Variants in DHX8 observed in about 807,000 individuals in gnomAD.
DHX8 encodes DEAH-box helicase 8.
A neutral mutation model predicts 140.7 loss-of-function variants in DHX8; 67 were observed. The ratio of observed to expected loss-of-function variants is 0.48; its 90% CI spans 0.39 to 0.58. DHX8 has a LOEUF of 0.58. Among genes scored for constraint, DHX8 ranks in the 20% least tolerant of loss-of-function variants. The probability of loss-of-function intolerance (pLI) is 0.00; values close to 1 mark genes in which losing one functional copy is unlikely to be tolerated. For missense variants in DHX8, 887 were observed against 1,550.7 expected (o/e 0.57, Z 7.19); for synonymous variants, 533 against 553.2 (o/e 0.96, Z 0.51).
At chr17:43,528,524 A>G (rs992289835), downstream of DHX8, 2 of 1,603,778 alleles carry the variant, frequency 1.2e-6, no homozygotes, top group East Asian at 4.5e-5. Flanking sequence ...GGGGGCTAGT[A>G]AGAGTAGCCA....
At chr17:43,497,245 T>C (rs1156358169) in intron 9 of DHX8, among the ~76,000 whole-genome samples, 1 of 151,470 alleles carries the variant, frequency 6.6e-6, no homozygotes, top group Non-Finnish European at 1.5e-5. Context: ...ATTTTTGATA[T>C]TTATGTTGAT....
Position 43,524,355 on chromosome 17 carries a change from G to A in DHX8, c.*508G>A. The A allele has an allele frequency of 1.0e-6, 1 of 1,004,126 alleles. No individual in the cohort carries two copies. Among genetic ancestry groups the A allele is most frequent in the Non-Finnish European group, 1.2e-6 (1 of 841,272 alleles). 62.2% of individuals were successfully genotyped at this position (1,004,126 alleles called of 1,614,324 possible). ...TGTGACTGTTTTCTTTTAGCCGAAA[G>A]GTTAGGATATTGGCCTGGGCTCAGG... On this transcript the variant is annotated 3_prime_UTR_variant, in exon 23 of 23. Coordinates refer to ENST00000262415, the MANE Select transcript of DHX8 (RefSeq NM_004941.3).
At position 43,493,837 on chromosome 17, in the gene DHX8, G is replaced by A. The variant is rs763476779; in HGVS notation, c.1163G>A (p.Arg388His). Reference sequence around the variant, plus strand: ...GAAGTAGAGGACGACTCACTGGAACGCAAGCGCCTCACCCGAATCTCTGAC... The same window carrying A: ...GAAGTAGAGGACGACTCACTGGAACACAAGCGCCTCACCCGAATCTCTGAC... ...APEVEDDSLERKRLTRISDPE... is the reference protein window; with the variant it reads ...APEVEDDSLEHKRLTRISDPE... Residue 388 changes from arginine to histidine, a missense_variant, in exon 8 of 23, where the codon CGC (arginine) becomes CAC (histidine). This residue lies in a region of DHX8 where 98 missense variants were observed against 152.7 expected (regional missense o/e 0.64). Transcript: ENST00000262415. 3.1e-6 allele frequency: 5 copies of A among 1,614,092 alleles called. No homozygotes were observed. Among genetic ancestry groups the A allele is most frequent in the Non-Finnish European group, 3.4e-6 (4 of 1,180,054 alleles).
intron 2 of DHX8, among the ~76,000 whole-genome samples, chr17:43,532,325 C>T (rs1970984584): frequency 6.6e-6 from 1 of 151,996 alleles, no homozygotes; most frequent in African/African-American, 2.4e-5. Context: ...ATGGCGAAAC[C>T]CCATCTCTAC....
At chr17:43,541,913 C>T (rs1181126680) in intron 3 of DHX8, among the ~76,000 whole-genome samples, 1 of 152,178 alleles carries the variant, frequency 6.6e-6, no homozygotes, top group Non-Finnish European at 1.5e-5. Flanking sequence ...CCTCATCCCT[C>T]CCCACAGACA....
chr17:43,519,809 C>T (rs545969784), intron 18 of DHX8: 298 of 208,478 alleles, frequency 1.4e-3, no homozygotes, highest in Non-Finnish European at 2.5e-3. Context: ...GGCATGATGG[C>T]GGGTGCCTAT....
chr17:43,508,028 A>G lies in DHX8; in HGVS notation c.2320+9A>G. ...TTTAACAGAACCACCAGGTAAGGGG[A>G]AAAAGCAATTTTCCTTTTTGGGAGG... On this transcript the variant is annotated intron_variant, in intron 15 of 22. Coordinates refer to ENST00000262415, the MANE Select transcript of DHX8 (RefSeq NM_004941.3). 1.2e-6 allele frequency: 2 copies of G among 1,611,106 alleles called. No homozygotes were observed. Among genetic ancestry groups the G allele is most frequent in the East Asian group, 2.2e-5 (1 of 44,856 alleles).
intron 21 of DHX8, 21 bp downstream of exon 21, chr17:43,521,586 T>A: frequency 2.5e-6 from 4 of 1,599,382 alleles, no homozygotes; most frequent in Non-Finnish European, 2.6e-6. Context: ...ATCTGATGAC[T>A]CTGCATGTTT....
At chr17:43,503,912 TAAAAAG>T (rs1969349628) in intron 11 of DHX8, among the ~76,000 whole-genome samples, 1 of 151,618 alleles carries the variant, frequency 6.6e-6, no homozygotes, top group South Asian at 2.1e-4. Flanking sequence ...GTTAAACACT[TAAAAAG>T]AGTAACACGG....
intron 18 of DHX8, chr17:43,517,650 A>G (rs1434486971): frequency 1.8e-5 from 4 of 220,488 alleles, no homozygotes; most frequent in African/African-American, 7.0e-5. Context: ...CCTAACCTCA[A>G]CCACTTTAGC....
intron 6 of DHX8, 71 bp downstream of exon 6, chr17:43,493,111 T>A: frequency 6.5e-7 from 1 of 1,539,366 alleles, no homozygotes; most frequent in Non-Finnish European, 8.8e-7. Flanking sequence ...GATGTTCACA[T>A]TCTAAAAAGT....
At chr17:43,543,276 A>ACTCTCCCTCTCTCTCTCTCT (rs138989101) in intron 3 of DHX8, among the ~76,000 whole-genome samples, 16 of 138,130 alleles carry the variant, frequency 1.2e-4, no homozygotes, top group East Asian at 4.5e-4. Context: ...ACACACACAC[A>ACTCTCCCTCTCTCTCTCTCT]CTCTCTCTCT....
downstream of DHX8, chr17:43,526,883 G>A (rs2154586984): frequency 6.0e-6 from 2 of 332,724 alleles, no homozygotes; most frequent in African/African-American, 4.2e-5. Context: ...TTTTATTTGT[G>A]GGTAGTAGTC....
chr17:43,518,519 C>G (rs1970222006), intron 18 of DHX8: 2 of 152,116 alleles, frequency 1.3e-5, no homozygotes, highest in African/African-American at 4.8e-5. Flanking sequence ...TGAGATCCCT[C>G]ATAGATATAT....
At chr17:43,533,032 G>T (rs1005200759) in intron 2 of DHX8, 3 of 1,503,870 alleles carry the variant, frequency 2.0e-6, no homozygotes, top group African/African-American at 2.8e-5. Flanking sequence ...GTGGGCTCCG[G>T]AATGGGGGGT....
chr17:43,534,373 A>G (rs1365413807), intron 2 of DHX8, among the ~76,000 whole-genome samples: 1 of 152,106 alleles, frequency 6.6e-6, no homozygotes, highest in Non-Finnish European at 1.5e-5. Context: ...GGATGCCTGT[A>G]GTCCCAGCTA....
intron 6 of DHX8, 118 bp downstream of exon 6, chr17:43,493,158 A>T (rs1968638375): frequency 2.2e-6 from 3 of 1,378,110 alleles, no homozygotes; most frequent in Non-Finnish European, 3.0e-6. Flanking sequence ...AATCAGCCAT[A>T]CATGGTTCTT....
At chr17:43,500,351 G>A (rs1425911175) in intron 11 of DHX8, among the ~76,000 whole-genome samples, 1 of 152,082 alleles carries the variant, frequency 6.6e-6, no homozygotes, top group African/African-American at 2.4e-5. Flanking sequence ...GCCAGGCATG[G>A]TGGCACACAC....
chr17:43,526,217 G>GTATT (rs1263232276), downstream of DHX8: 1 of 985,268 alleles, frequency 1.0e-6, no homozygotes, highest in African/African-American at 1.7e-5. Flanking sequence ...CCTTGAACCA[G>GTATT]TATTTCCCAA....
Sources: gnomAD v4.1 joint callset for allele counts (sites outside exome capture counted in the v4.1 genomes callset) on GRCh38, gnomAD v4.1.1 for gene constraint, gnomAD v4.1.1 regional missense constraint, MANE v1.5 for transcripts, NCBI Gene and HGNC (gene_info 2026-07-23, HGNC 2026-07-21) for gene names.